RYR2: variants seen among roughly 807,000 people sequenced by gnomAD.
The protein encoded by RYR2 is ryanodine receptor 2, also known as cardiac muscle ryanodine receptor-calcium release channel.
In RYR2, 227 loss-of-function variants were observed where a neutral mutation model predicts 601.1. The observed-to-expected ratio is 0.38, with a 90% CI of 0.34 to 0.42. RYR2 has a LOEUF of 0.42. RYR2 is among the 10% of genes least tolerant of loss of function. RYR2 has a pLI of 1.00. For synonymous variants in RYR2, 2,223 were observed against 2,175.1 expected (o/e 1.02, Z -0.61); for missense variants, 4,646 against 6,156.5 (o/e 0.75, Z 8.21).
At chr1:237,314,232 T>A (rs1053745072) in intron 2 of RYR2, among the ~76,000 whole-genome samples, 1 of 151,786 alleles carries the variant, frequency 6.6e-6, no homozygotes, top group Non-Finnish European at 1.5e-5. Flanking sequence ...GCCCAGCTAA[T>A]TTTTTGTATT....
intron 1 of RYR2, among the ~76,000 whole-genome samples, chr1:237,227,358 A>G (rs543302266): frequency 6.6e-6 from 1 of 152,270 alleles, no homozygotes; most frequent in South Asian, 2.1e-4. Context: ...TTATTTGTGA[A>G]GTATGTCTTT....
intron 61 of RYR2, among the ~76,000 whole-genome samples, chr1:237,678,413 C>T (rs1164983065): frequency 6.6e-6 from 1 of 152,054 alleles, no homozygotes; most frequent in Non-Finnish European, 1.5e-5. Flanking sequence ...TATTTCTTAA[C>T]ATTTGGATAT....
intron 1 of RYR2, among the ~76,000 whole-genome samples, chr1:237,190,668 A>C (rs962113750): frequency 6.6e-6 from 1 of 152,242 alleles, no homozygotes; most frequent in African/African-American, 2.4e-5. Context: ...ACATGGTATT[A>C]GGTATTATAA....
chr1:237,080,109 A>G (rs1199242802), intron 1 of RYR2, among the ~76,000 whole-genome samples: 6 of 63,962 alleles, frequency 9.4e-5, no homozygotes, highest in African/African-American at 4.4e-4. Context: ...CCTTCCTTAC[A>G]CCTTATACAA....
intron 56 of RYR2, among the ~76,000 whole-genome samples, chr1:237,665,595 C>T (rs527341482): frequency 8.1e-4 from 123 of 152,256 alleles, no homozygotes; most frequent in Non-Finnish European, 1.3e-3. Flanking sequence ...AAGCTGGATT[C>T]ATTCCACCAT....
chr1:237,801,718 G>C (rs974822866), intron 97 of RYR2, 138 bp from the exon 98 acceptor site: 15 of 500,132 alleles, frequency 3.0e-5, no homozygotes, highest in African/African-American at 1.3e-4. Context: ...TCCTCCCTTG[G>C]CATCTGGGAT....
chr1:237,430,306 T>C (rs79892271), intron 12 of RYR2, among the ~76,000 whole-genome samples: 1,771 of 151,598 alleles, frequency 0.012, 33 homozygotes, highest in African/African-American at 0.041. Flanking sequence ...TCCATGAAAA[T>C]ATTGTTCAGT....
At chr1:237,789,186 T>A (rs1398865870) in intron 92 of RYR2, among the ~76,000 whole-genome samples, 1 of 151,976 alleles carries the variant, frequency 6.6e-6, no homozygotes, top group Non-Finnish European at 1.5e-5. Context: ...AAGAAAGCCA[T>A]TTGAACAGCA....
At chr1:237,503,566 T>G (rs1664888498) in intron 22 of RYR2, 61 bp downstream of exon 22, 1 of 1,544,612 alleles carries the variant, frequency 6.5e-7, no homozygotes, top group African/African-American at 1.4e-5. Flanking sequence ...ACACAGTGGC[T>G]TTACACTTGG....
chr1:237,796,279 T>C (rs1345557409), intron 96 of RYR2, among the ~76,000 whole-genome samples: 1 of 152,204 alleles, frequency 6.6e-6, no homozygotes, highest in Middle Eastern at 3.4e-3. Context: ...AAGCAAGAGT[T>C]TCTTGCTTTA....
chr1:237,522,453 C>T (rs1243919838), intron 24 of RYR2, among the ~76,000 whole-genome samples: 9 of 152,194 alleles, frequency 5.9e-5, no homozygotes, highest in African/African-American at 1.9e-4. Context: ...TCACTTCTTT[C>T]GAACATGTTG....
At chr1:237,112,687 A>G (rs764811479) in intron 1 of RYR2, among the ~76,000 whole-genome samples, 3 of 151,844 alleles carry the variant, frequency 2.0e-5, no homozygotes, top group Non-Finnish European at 4.4e-5. Context: ...GCCCACATAT[A>G]GTAATAATTA....
At chr1:237,588,044 C>A (rs887310231) in intron 29 of RYR2, among the ~76,000 whole-genome samples, 3 of 152,038 alleles carry the variant, frequency 2.0e-5, no homozygotes, top group African/African-American at 7.2e-5. Flanking sequence ...GATTTGATTT[C>A]TTTTTATTTG....
At chr1:237,263,353 C>T (rs1220148294) in intron 1 of RYR2, among the ~76,000 whole-genome samples, 3 of 152,176 alleles carry the variant, frequency 2.0e-5, no homozygotes, top group African/African-American at 7.2e-5. Context: ...TTTGCAGGCA[C>T]AGTGTTAGAC....
chr1:237,760,792 C>G (rs1449616759), intron 83 of RYR2, among the ~76,000 whole-genome samples, 163 bp from the exon 84 acceptor site: 1 of 118,086 alleles, frequency 8.5e-6, no homozygotes, highest in Non-Finnish European at 1.9e-5. Context: ...TAGTCTGCCA[C>G]TAAGAAAATA....
intron 12 of RYR2, among the ~76,000 whole-genome samples, chr1:237,434,200 A>C (rs892067041): frequency 6.6e-6 from 1 of 152,222 alleles, no homozygotes; most frequent in Non-Finnish European, 1.5e-5. Context: ...TTTAGATTTT[A>C]AAGGTGAGAC....
chr1:237,691,170 T>C (rs929603363), intron 63 of RYR2, among the ~76,000 whole-genome samples: 3 of 152,224 alleles, frequency 2.0e-5, no homozygotes, highest in Admixed American at 1.3e-4. Flanking sequence ...CTGTACTATC[T>C]TGGTTTAAAG....
Position 237,831,504 on chromosome 1 carries a change from G to T in RYR2, c.14757-10G>T. 1 of 1,486,100 alleles carries T rather than the reference G, an allele frequency of 6.7e-7. No individual in the cohort carries two copies. The allele number at this position is 1,486,100 out of a possible 1,614,324, so 92.1% of individuals were successfully genotyped here. On this transcript the variant is annotated splice_polypyrimidine_tract_variant and intron_variant, in intron 103 of 104. Coordinates refer to ENST00000366574, the MANE Select transcript of RYR2 (RefSeq NM_001035.3). ...CCGTTCATTTCTGATCAGTTTCTCT[G>T]TATCTGTAGGTTTTTTCTGATGTAT...
intron 89 of RYR2, among the ~76,000 whole-genome samples, chr1:237,782,448 C>T (rs557684875): frequency 6.6e-6 from 1 of 152,290 alleles, no homozygotes; most frequent in African/African-American, 2.4e-5. Flanking sequence ...TTCTTAACTT[C>T]TTCCTATTTT....
Sources: gnomAD v4.1 joint callset for allele counts (sites outside exome capture counted in the v4.1 genomes callset) on GRCh38, gnomAD v4.1.1 for gene constraint, MANE v1.5 for transcripts, NCBI Gene and HGNC (gene_info 2026-07-23, HGNC 2026-07-21) for gene names.